The following HDAC4 variants were observed in gnomAD, a reference collection of about 807,000 sequenced individuals.
HDAC4 encodes the protein histone deacetylase 4.
HDAC4 carries 16 observed loss-of-function variants against 135.1 expected under a neutral mutation model. That is an observed-to-expected ratio of 0.12 (90% CI 0.08 to 0.18). The LOEUF (loss-of-function observed/expected upper bound fraction) is 0.18, where lower values mean the gene tolerates loss of function less well. HDAC4 is among the 10% of genes least tolerant of loss of function. The pLI is 1.00. For synonymous variants in HDAC4, 685 were observed against 653.4 expected (o/e 1.05, Z -0.74); for missense variants, 1,143 against 1,511.8 (o/e 0.76, Z 4.05).
rs568838624 is a variant in HDAC4 at position 239,313,732 on chromosome 2, A to C, written c.22+38946T>G. Among the ~76,000 whole-genome samples, 1 of 152,358 alleles carries C rather than the reference A, an allele frequency of 6.6e-6. No homozygotes were observed. Among genetic ancestry groups the C allele is most frequent in the Admixed American group, 6.5e-5 (1 of 15,308 alleles). ...ATTCAGAAAAGCCTTCACGCCTGGC[A>C]ATATGGCACACGCACTTTTAGAGAC... On this transcript the variant is annotated intron_variant, in intron 2 of 26. Transcript: ENST00000543185. The surrounding 1 kb of genome is among the most constrained non-coding windows in gnomAD (Gnocchi z 5.1).
chr2:239,357,730 T>A (rs7599094), intron 1 of HDAC4, among the ~76,000 whole-genome samples: 73,361 of 146,938 alleles, frequency 0.5, 19,194 homozygotes, highest in East Asian at 0.84. Context: ...CAAAAAATAA[T>A]AAAAAAAAAT....
intron 1 of HDAC4, among the ~76,000 whole-genome samples, chr2:239,386,873 C>T (rs1020272438): frequency 6.6e-6 from 1 of 152,212 alleles, no homozygotes; most frequent in African/African-American, 2.4e-5. Flanking sequence ...TTTCGCCACC[C>T]TCACCACCAT....
chr2:239,390,135 G>A (rs576312093), intron 1 of HDAC4, among the ~76,000 whole-genome samples: 131 of 152,180 alleles, frequency 8.6e-4, no homozygotes, highest in Middle Eastern at 6.8e-3. Flanking sequence ...TTCCTCCTCC[G>A]GCACTTTCTA....
chr2:239,148,013 C>T (rs553479889), intron 7 of HDAC4, among the ~76,000 whole-genome samples: 3 of 152,288 alleles, frequency 2.0e-5, no homozygotes, highest in East Asian at 1.9e-4. Flanking sequence ...AGGGGACAGG[C>T]GTGCACCTGG....
At chr2:239,326,369 A>T (rs1575698011) in intron 2 of HDAC4, among the ~76,000 whole-genome samples, 2 of 152,300 alleles carry the variant, frequency 1.3e-5, no homozygotes, top group East Asian at 3.9e-4. Context: ...AGAGGGAGGG[A>T]AACAGGATTG....
chr2:239,129,515 A>T (rs979685002), intron 11 of HDAC4, among the ~76,000 whole-genome samples: 4 of 152,100 alleles, frequency 2.6e-5, no homozygotes, highest in African/African-American at 9.7e-5. Context: ...TCCCCTGGGC[A>T]TCTTAGCCAG....
intron 5 of HDAC4, among the ~76,000 whole-genome samples, chr2:239,173,128 G>T (rs1007958127): frequency 6.6e-6 from 1 of 152,150 alleles, no homozygotes; most frequent in African/African-American, 2.4e-5. Context: ...AATACAAAAG[G>T]AGAGAGGAAT....
chr2:239,318,642 T>A (rs946248805), intron 2 of HDAC4, among the ~76,000 whole-genome samples: 5 of 151,724 alleles, frequency 3.3e-5, no homozygotes, highest in Admixed American at 2.0e-4. Context: ...GGATTATTAG[T>A]TGGGGGAAGG....
At chr2:239,350,802 G>A (rs1408516034) in intron 2 of HDAC4, among the ~76,000 whole-genome samples, 2 of 152,082 alleles carry the variant, frequency 1.3e-5, no homozygotes, top group South Asian at 2.1e-4. Context: ...GCGCCCGGCC[G>A]AGAACTTTAA....
At chr2:239,366,143 G>C (rs1694198442) in intron 1 of HDAC4, among the ~76,000 whole-genome samples, 1 of 145,754 alleles carries the variant, frequency 6.9e-6, no homozygotes, top group Non-Finnish European at 1.5e-5. Context: ...AAACACGCAT[G>C]CACAGAGCAG....
At chr2:239,176,842 A>G (rs1260899606) in intron 4 of HDAC4, among the ~76,000 whole-genome samples, 1 of 152,364 alleles carries the variant, frequency 6.6e-6, no homozygotes, top group East Asian at 1.9e-4. Context: ...GTTATCTTGC[A>G]AGTTGGAAAT....
At chr2:239,333,674 T>C (rs1443071290) in intron 2 of HDAC4, among the ~76,000 whole-genome samples, 2 of 152,156 alleles carry the variant, frequency 1.3e-5, no homozygotes, top group African/African-American at 2.4e-5. Flanking sequence ...AAAAGTCTAA[T>C]ACATTAAGTT....
intron 2 of HDAC4, among the ~76,000 whole-genome samples, chr2:239,332,276 A>G (rs1241061055): frequency 2.6e-5 from 4 of 152,220 alleles, no homozygotes; most frequent in Non-Finnish European, 5.9e-5. Flanking sequence ...AGAACTGGCA[A>G]ATCTCCACGG....
intron 1 of HDAC4, among the ~76,000 whole-genome samples, chr2:239,356,464 T>C (rs1460030962): frequency 6.6e-6 from 1 of 152,206 alleles, no homozygotes; most frequent in African/African-American, 2.4e-5. Flanking sequence ...CTGTGTTTTA[T>C]AACGTACAGT....
In HDAC4 at chr2:239,102,885, T is replaced by G. The variant is rs368932930; in HGVS notation, c.2124A>C (p.Gly708=). The change falls in exon 16 of 27, where the codon GGA becomes GGC. Residue 708 remains glycine, a synonymous_variant. Transcript: ENST00000543185. ...GTAGCTCCTCCAGGGTGGCCTTGCGTCCGCGGATGCACTGTGGGGACAGGC... is the reference window on the plus strand; with the variant it reads ...GTAGCTCCTCCAGGGTGGCCTTGCGGCCGCGGATGCACTGTGGGGACAGGC... ...GLRGKCECIR[G]RKATLEELQT... 6.2e-7 allele frequency: 1 copy of G among 1,613,742 alleles called. No individual in the cohort carries two copies. Among genetic ancestry groups the G allele is most frequent in the Non-Finnish European group, 8.5e-7 (1 of 1,180,028 alleles).
chr2:239,377,239 C>T (rs774103727), intron 1 of HDAC4, among the ~76,000 whole-genome samples: 44 of 152,324 alleles, frequency 2.9e-4, no homozygotes, highest in Admixed American at 1.2e-3. Context: ...GCTCAGGCGT[C>T]GCCACCACAG....
chr2:239,234,700 A>G (rs1158561452), intron 3 of HDAC4, among the ~76,000 whole-genome samples: 3 of 152,234 alleles, frequency 2.0e-5, no homozygotes, highest in Non-Finnish European at 2.9e-5. Context: ...CAGGCAGCAG[A>G]GGCGGGCCCC....
chr2:239,304,965 C>T (rs2052493393), intron 2 of HDAC4, among the ~76,000 whole-genome samples: 1 of 152,306 alleles, frequency 6.6e-6, no homozygotes, highest in African/African-American at 2.4e-5. Context: ...CAGAGTCCAG[C>T]CGTCCCCTCC....
intron 1 of HDAC4, among the ~76,000 whole-genome samples, chr2:239,375,391 C>T (rs1339082511): frequency 6.7e-6 from 1 of 150,348 alleles, no homozygotes; most frequent in Non-Finnish European, 1.5e-5. Flanking sequence ...CTCACTTGTC[C>T]TCACCGGGCC....
Sources: allele counts gnomAD v4.1 joint callset (sites outside exome capture counted in the v4.1 genomes callset), GRCh38; gene constraint gnomAD v4.1.1; non-coding constraint Gnocchi (gnomAD v3.1); transcripts MANE v1.5; gene names NCBI Gene and HGNC (gene_info 2026-07-23, HGNC 2026-07-21).